The following FREM2 variants were observed in gnomAD, a reference collection of about 807,000 sequenced individuals.
The protein encoded by FREM2 is FRAS1-related extracellular matrix protein 2.
A neutral mutation model predicts 219.9 loss-of-function variants in FREM2; 119 were observed. The ratio of observed to expected loss-of-function variants is 0.54; its 90% CI spans 0.47 to 0.63. The LOEUF is 0.63. Among genes scored for constraint, FREM2 ranks in the 30% least tolerant of loss-of-function variants. The pLI is 0.00. For synonymous variants in FREM2, 1,562 were observed against 1,522.8 expected (o/e 1.03, Z -0.60); for missense variants, 4,030 against 3,993.6 (o/e 1.01, Z -0.25).
chr13:38,734,621 C>A (rs1295827481), intron 2 of FREM2, among the ~76,000 whole-genome samples: 1 of 151,432 alleles, frequency 6.6e-6, no homozygotes, highest in African/African-American at 2.4e-5. Context: ...AGCATTCATT[C>A]ATTGATTCAT....
chr13:38,845,159 C>T (rs949997534), intron 6 of FREM2, among the ~76,000 whole-genome samples: 4 of 152,098 alleles, frequency 2.6e-5, no homozygotes, highest in African/African-American at 9.7e-5. Flanking sequence ...TTTTATCATG[C>T]CCACCATGTG....
chr13:38,839,759 G>C (rs9548478), intron 6 of FREM2, among the ~76,000 whole-genome samples: 1 of 150,760 alleles, frequency 6.6e-6, no homozygotes, highest in East Asian at 1.9e-4. Flanking sequence ...ACTCTGTGAG[G>C]GGAAAACCGC....
At chr13:38,780,319 T>C (rs1593403254) in intron 4 of FREM2, among the ~76,000 whole-genome samples, 1 of 152,222 alleles carries the variant, frequency 6.6e-6, no homozygotes, top group Non-Finnish European at 1.5e-5. Context: ...TCCTTTATTC[T>C]TCTGTTTCTT....
chr13:38,819,966 T>C (rs1875975986), intron 6 of FREM2, among the ~76,000 whole-genome samples: 1 of 152,160 alleles, frequency 6.6e-6, no homozygotes, highest in Non-Finnish European at 1.5e-5. Context: ...TTAGTTATCC[T>C]AATAGGGAAG....
At chr13:38,841,542 G>A (rs541862014) in intron 6 of FREM2, among the ~76,000 whole-genome samples, 29 of 151,892 alleles carry the variant, frequency 1.9e-4, no homozygotes, top group African/African-American at 6.8e-4. Flanking sequence ...AACCAGTGAA[G>A]GCAAAGTATT....
At chr13:38,779,562 G>C (rs1205973025) in intron 4 of FREM2, 2 of 152,156 alleles carry the variant, frequency 1.3e-5, no homozygotes, top group East Asian at 3.9e-4. Context: ...CAAGATTGCT[G>C]ATACACAAGT....
chr13:38,819,802 C>T (rs968055306), intron 6 of FREM2, among the ~76,000 whole-genome samples: 2 of 151,930 alleles, frequency 1.3e-5, no homozygotes, highest in Non-Finnish European at 2.9e-5. Context: ...GATAACTTGC[C>T]CAAGGTCAAA....
At chr13:38,718,757 T>C (rs1256792288) in intron 2 of FREM2, among the ~76,000 whole-genome samples, 1 of 152,208 alleles carries the variant, frequency 6.6e-6, no homozygotes, top group African/African-American at 2.4e-5. Context: ...GTGGACATCA[T>C]TGCAAGATTT....
rs889297173 is a variant in FREM2, at chr13:38,836,119, A to G, written c.6020-10454A>G. The stretch of plus-strand genomic sequence containing the variant: ...TTATTATTTTGAGATATGTTCCATC[A>G]ATACCTAGTTTATTGAGCGTTTTTA... On this transcript the variant is annotated intron_variant, in intron 6 of 23. Transcript: ENST00000280481. Among the ~76,000 whole-genome samples, 4 of 152,190 alleles carry G rather than the reference A, an allele frequency of 2.6e-5. No homozygotes were observed. In the East Asian group the frequency reaches 5.8e-4, roughly 22 times the overall value.
intron 6 of FREM2, among the ~76,000 whole-genome samples, chr13:38,838,872 A>G (rs919233667): frequency 1.3e-5 from 2 of 151,738 alleles, no homozygotes; most frequent in Non-Finnish European, 2.9e-5. Context: ...CCTTCTTTCA[A>G]GGTTCTCAGC....
chr13:38,688,463 C>CGAT lies in FREM2; in HGVS notation c.1123_1125dup (p.Asp375dup). On this transcript the variant is annotated inframe_insertion, in exon 1 of 24. Coordinates refer to ENST00000280481, the MANE Select transcript of FREM2 (RefSeq NM_207361.6). ...CTGGCCAGGGCTACTTGGTGAGCACCGATGATCGCAGCCTGCCCCTTTCCT... is the reference window on the plus strand; with the variant it reads ...CTGGCCAGGGCTACTTGGTGAGCACCGATGATGATCGCAGCCTGCCCCTTTCCT... The CGAT allele has an allele frequency of 6.2e-7, 1 of 1,614,070 alleles. No homozygotes were observed. The highest frequency in any genetic ancestry group is 8.5e-7 in the Non-Finnish European group (1 of 1,180,020).
At chr13:38,819,797 C>G (rs956635349) in intron 6 of FREM2, among the ~76,000 whole-genome samples, 1 of 152,122 alleles carries the variant, frequency 6.6e-6, no homozygotes, top group African/African-American at 2.4e-5. Flanking sequence ...GGTTGGATAA[C>G]TTGCCCAAGG....
At chr13:38,787,538 C>A (rs1169523880) in intron 6 of FREM2, among the ~76,000 whole-genome samples, 1 of 152,006 alleles carries the variant, frequency 6.6e-6, no homozygotes, top group Non-Finnish European at 1.5e-5. Flanking sequence ...GCAAACTTTG[C>A]CATCGTCAGG....
In FREM2 at chr13:38,886,476, C is replaced by T. The variant is rs886050218; in HGVS notation, c.*5689C>T. On this transcript the variant is annotated 3_prime_UTR_variant, in exon 24 of 24. Transcript: ENST00000280481. ...GCAATGGAATGATCTTGGCTCACCG[C>T]AACCTCCGCCTCCAGGGTTCAAGTG... 1 of 152,084 alleles carries T rather than the reference C, an allele frequency of 6.6e-6. No individual in the cohort carries two copies. The highest frequency in any genetic ancestry group is 1.5e-5 in the Non-Finnish European group (1 of 68,074). The allele number at this position is 152,084 out of a possible 1,614,324, so 9.4% of individuals were successfully genotyped here.
chr13:38,772,701 CTTTT>C (rs58721583), intron 4 of FREM2, among the ~76,000 whole-genome samples: 2 of 146,184 alleles, frequency 1.4e-5, no homozygotes, highest in Admixed American at 6.8e-5. Flanking sequence ...TTCTCTCTCT[CTTTT>C]TTTTTTTTTA....
intron 4 of FREM2, among the ~76,000 whole-genome samples, chr13:38,773,320 A>T (rs994295069): frequency 6.6e-5 from 10 of 152,120 alleles, no homozygotes; most frequent in Middle Eastern, 3.4e-3. Flanking sequence ...TGGCTCTGCG[A>T]TCAATAGAGC....
At chr13:38,852,066 A>C (rs1877391623) in intron 11 of FREM2, among the ~76,000 whole-genome samples, 198 bp downstream of exon 11, 1 of 152,168 alleles carries the variant, frequency 6.6e-6, no homozygotes, top group African/African-American at 2.4e-5. Flanking sequence ...CTAGTCTTTT[A>C]GTATCTCCAT....
chr13:38,795,944 G>T (rs954669688), intron 6 of FREM2, among the ~76,000 whole-genome samples: 48 of 152,156 alleles, frequency 3.2e-4, no homozygotes, highest in African/African-American at 1.0e-3. Flanking sequence ...TTGGTGGCCA[G>T]ATAGTATTCC....
In FREM2 at chr13:38,764,413, T is replaced by C; in HGVS notation, c.5373T>C (p.Leu1791=). 6.3e-7 allele frequency: 1 copy of C among 1,593,150 alleles called. No homozygotes were observed. The highest frequency in any genetic ancestry group is 8.6e-7 in the Non-Finnish European group (1 of 1,162,336). The change falls in exon 3 of 24, where the codon CTT becomes CTC. Residue 1791 remains leucine (L), a synonymous_variant. Coordinates refer to ENST00000280481, the MANE Select transcript of FREM2 (RefSeq NM_207361.6). ...ACTCCAAATTTCTAGATGTTGTTCT[T>C]AAACGTAGAGGTTACTTGGGAGAAA... ...NEDSKFLDVV[L]KRRGYLGETS...
Sources: gnomAD v4.1 joint callset for allele counts (sites outside exome capture counted in the v4.1 genomes callset) on GRCh38, gnomAD v4.1.1 for gene constraint, MANE v1.5 for transcripts, NCBI Gene and HGNC (gene_info 2026-07-23, HGNC 2026-07-21) for gene names.